The following ADGRA1 variants were observed in gnomAD, a reference collection of about 807,000 sequenced individuals.
ADGRA1 encodes G-protein coupled receptor 123.
A neutral mutation model predicts 21.3 loss-of-function variants in ADGRA1; 12 were observed. That is an observed-to-expected ratio of 0.56 (90% confidence interval 0.36 to 0.91). The LOEUF is 0.91. Ranked by LOEUF, ADGRA1 falls within the 40% of genes least tolerant of loss-of-function variation. The probability of loss-of-function intolerance (pLI) is 0.01; values close to 1 mark genes in which losing one functional copy is unlikely to be tolerated. For synonymous variants in ADGRA1, 385 were observed against 368.8 expected (o/e 1.04, Z -0.50); for missense variants, 790 against 805.6 (o/e 0.98, Z 0.23).
chr10:133,120,514 C>A (rs1852234669), intron 5 of ADGRA1, among the ~76,000 whole-genome samples: 2 of 152,244 alleles, frequency 1.3e-5, no homozygotes, highest in African/African-American at 4.8e-5. Flanking sequence ...TGCTGCTTCA[C>A]CTCACCTGCA....
chr10:133,101,827 G>A (rs910054916), intron 4 of ADGRA1, among the ~76,000 whole-genome samples: 7 of 152,240 alleles, frequency 4.6e-5, no homozygotes, highest in East Asian at 1.9e-4. Flanking sequence ...CCCCAGCGGC[G>A]CACAGGGATC....
At position 133,129,018 on chromosome 10, in the gene ADGRA1, C is replaced by T. The variant is rs779010045; in HGVS notation, c.1190C>T (p.Ala397Val). Residue 397 changes from alanine to valine, a missense_variant, in exon 7 of 7, where the codon GCG becomes GTG. Around this residue, in one of 3 missense-constraint regions of ADGRA1, gnomAD observed 391 missense variants for 351.5 expected, o/e 1.11. Transcript: ENST00000392607. The part of the protein sequence containing the change: ...MHCEPLTADE[A>V]HVHLQEEGAF... ...TGCGAGCCACTGACGGCGGACGAGG[C>T]GCACGTGCACCTGCAGGAGGAGGGC... 1.4e-5 allele frequency: 22 copies of T among 1,565,448 alleles called. No individual in the cohort carries two copies. The highest frequency in any genetic ancestry group is 2.7e-5 in the African/African-American group (2 of 74,168).
intron 5 of ADGRA1, among the ~76,000 whole-genome samples, chr10:133,126,448 A>G (rs1416813633): frequency 1.3e-5 from 2 of 152,154 alleles, no homozygotes; most frequent in African/African-American, 4.8e-5. Context: ...AGGTGTTCGC[A>G]GGAGCCGGGG....
intron 2 of ADGRA1, among the ~76,000 whole-genome samples, chr10:133,092,752 A>T (rs567272568): frequency 8.7e-6 from 1 of 115,034 alleles, no homozygotes; most frequent in Non-Finnish European, 1.8e-5. Flanking sequence ...ATAGGGAGGG[A>T]GGAAGGAAGG....
chr10:133,128,197 C>T (rs1266232684), intron 6 of ADGRA1, 132 bp from the exon 7 acceptor site: 1 of 630,638 alleles, frequency 1.6e-6, no homozygotes, highest in African/African-American at 1.9e-5. Context: ...TAGAAACGCC[C>T]AAGGCCCCCA....
intron 5 of ADGRA1, among the ~76,000 whole-genome samples, chr10:133,118,080 G>A (rs1013205707): frequency 9.2e-5 from 14 of 152,142 alleles, no homozygotes; most frequent in Middle Eastern, 3.2e-3. Context: ...TGACACCACC[G>A]TCCCCAATCA....
rs191278723 is a variant in ADGRA1 at position 133,098,540 on chromosome 10, G to A, written c.132-100G>A. ...CTGCCCCTGACCCCACGGAGAGCCC[G>A]GACTTCCCGGGGACAGAGCCTGCGC... On this transcript the variant is annotated intron_variant, in intron 3 of 6. Coordinates refer to ENST00000392607, the MANE Select transcript of ADGRA1 (RefSeq NM_001083909.3). 61 of 1,447,454 alleles carry A rather than the reference G, an allele frequency of 4.2e-5. No individual in the cohort carries two copies. The African/African-American group carries it at 6.0e-4, about 14-fold the overall frequency. The allele number at this position is 1,447,454 out of a possible 1,614,324, so 89.7% of individuals were successfully genotyped here.
intron 5 of ADGRA1, among the ~76,000 whole-genome samples, chr10:133,126,687 C>A (rs1182367928): frequency 6.6e-6 from 1 of 152,220 alleles, no homozygotes; most frequent in Non-Finnish European, 1.5e-5. Context: ...TCGGGCTGTG[C>A]CTGTCAGGAT....
chr10:133,115,939 G>A (rs1161732735), intron 5 of ADGRA1, among the ~76,000 whole-genome samples: 1 of 152,042 alleles, frequency 6.6e-6, no homozygotes, highest in African/African-American at 2.4e-5. Flanking sequence ...CATCCACCCA[G>A]CAAGACCCTC....
chr10:133,119,420 T>C (rs1852215906), intron 5 of ADGRA1, among the ~76,000 whole-genome samples: 1 of 152,212 alleles, frequency 6.6e-6, no homozygotes, highest in African/African-American at 2.4e-5. Flanking sequence ...ACAATGACAT[T>C]TGCCACATTG....
chr10:133,111,896 C>T lies in ADGRA1; in HGVS notation c.401+9054C>T, dbSNP rs1400835385. On this transcript the variant is annotated intron_variant, in intron 5 of 6. Transcript: ENST00000392607. ...CCAGACCACCTGCCCACCACAGACA[C>T]CTCCCTCCTAATGCCTCCAGACCAC... 1.2e-4 allele frequency among the ~76,000 whole-genome samples: 13 copies of T among 108,564 alleles called. 1 individual carries two copies. Among genetic ancestry groups the T allele is most frequent in the South Asian group, 6.3e-4 (2 of 3,158 alleles). 71.2% of individuals were successfully genotyped at this position (108,564 alleles called of 152,430 possible).
At chr10:133,110,299 G>A (rs1194343159) in intron 5 of ADGRA1, among the ~76,000 whole-genome samples, 1 of 152,276 alleles carries the variant, frequency 6.6e-6, no homozygotes, top group African/African-American at 2.4e-5. Context: ...GGTCACTCCT[G>A]TGTGCTCTGC....
At chr10:133,113,117 TGTCGGTTATTTGAGGTCTGTGGGCCAC>T (rs1310411211) in intron 5 of ADGRA1, among the ~76,000 whole-genome samples, 9 of 144,582 alleles carry the variant, frequency 6.2e-5, no homozygotes, top group African/African-American at 1.8e-4. Context: ...CTGTAAGCTG[TGTCGGTTATTTGAGGTCTGTGGGCCAC>T]GTCGGTTATT....
intron 4 of ADGRA1, among the ~76,000 whole-genome samples, chr10:133,099,181 CGCCCCTCCCGG>C (rs1162817680): frequency 6.8e-5 from 10 of 147,008 alleles, no homozygotes; most frequent in Non-Finnish European, 1.5e-4. Context: ...GGACACAGCC[CGCCCCTCCCGG>C]AGAAAGTGCT....
At position 133,129,253 on chromosome 10, in the gene ADGRA1, C is replaced by T. The variant is rs1160949847; in HGVS notation, c.1425C>T (p.Gly475=). ...GTHTLACCTQ[G]DPFPMVTQPE... ...ACACGCTGGCCTGCTGCACCCAGGGCGACCCCTTCCCCATGGTCACCCAGC... is the reference window on the plus strand; with the variant it reads ...ACACGCTGGCCTGCTGCACCCAGGGTGACCCCTTCCCCATGGTCACCCAGC... Residue 475 remains glycine, a synonymous_variant, in exon 7 of 7, where the codon GGC becomes GGT. Transcript: ENST00000392607. The T allele has an allele frequency of 9.0e-6, 14 of 1,549,478 alleles. No homozygotes were observed. The highest frequency in any genetic ancestry group is 4.9e-5 in the East Asian group (2 of 40,930).
chr10:133,092,278 G>A (rs951324968), intron 2 of ADGRA1, among the ~76,000 whole-genome samples: 2 of 152,214 alleles, frequency 1.3e-5, no homozygotes, highest in Admixed American at 6.5e-5. Flanking sequence ...AATGGCTACA[G>A]TCTACTTCCT....
At chr10:133,122,363 C>T (rs559351040) in intron 5 of ADGRA1, among the ~76,000 whole-genome samples, 8 of 152,300 alleles carry the variant, frequency 5.3e-5, no homozygotes, top group Non-Finnish European at 7.4e-5. Flanking sequence ...GTGCTGATTC[C>T]GACCATCAGC....
intron 2 of ADGRA1, among the ~76,000 whole-genome samples, chr10:133,089,851 C>G (rs1851569258): frequency 6.6e-6 from 1 of 152,244 alleles, no homozygotes; most frequent in Non-Finnish European, 1.5e-5. Context: ...GGTCTCCGCA[C>G]TTACCTTTCA....
intron 2 of ADGRA1, chr10:133,095,573 C>T: frequency 6.8e-7 from 1 of 1,466,286 alleles, no homozygotes; most frequent in Non-Finnish European, 9.1e-7. Context: ...CGGTGCCCGC[C>T]TGGCCAGTGC....
Sources: gnomAD v4.1 joint callset for allele counts (sites outside exome capture counted in the v4.1 genomes callset) on GRCh38, gnomAD v4.1.1 for gene constraint, gnomAD v4.1.1 regional missense constraint, MANE v1.5 for transcripts, NCBI Gene and HGNC (gene_info 2026-07-23, HGNC 2026-07-21) for gene names.